The following CCSER1 variants were observed in gnomAD, a reference collection of about 807,000 sequenced individuals.
The protein encoded by CCSER1 is coiled-coil serine rich protein 1.
CCSER1 carries 41 observed loss-of-function variants against 82.0 expected under a neutral mutation model. That is an observed-to-expected ratio of 0.50 (90% CI 0.39 to 0.65). The LOEUF (loss-of-function observed/expected upper bound fraction) is 0.65, where lower values mean the gene tolerates loss of function less well. Among genes scored for constraint, CCSER1 ranks in the 30% least tolerant of loss-of-function variants. The probability of loss-of-function intolerance (pLI) is 0.00; values close to 1 mark genes in which losing one functional copy is unlikely to be tolerated. For missense variants in CCSER1, 1,119 were observed against 1,064.2 expected (o/e 1.05, Z -0.72); for synonymous variants, 414 against 383.9 (o/e 1.08, Z -0.92).
intron 8 of CCSER1, among the ~76,000 whole-genome samples, chr4:90,861,880 C>T (rs529599081): frequency 6.8e-6 from 1 of 146,338 alleles, no homozygotes; most frequent in African/African-American, 2.5e-5. Context: ...ATGATGAAAA[C>T]CATGGATCTC....
intron 9 of CCSER1, among the ~76,000 whole-genome samples, chr4:90,924,160 A>G (rs1728761762): frequency 6.6e-6 from 1 of 152,192 alleles, no homozygotes; most frequent in Non-Finnish European, 1.5e-5. Flanking sequence ...TCTTGTAGCT[A>G]ACATGTATGA....
At chr4:90,693,654 G>T (rs1003084251) in intron 6 of CCSER1, among the ~76,000 whole-genome samples, 1 of 151,806 alleles carries the variant, frequency 6.6e-6, no homozygotes, top group African/African-American at 2.4e-5. Flanking sequence ...ATATAATTTG[G>T]TTCTTGTCAA....
chr4:90,911,797 C>T lies in CCSER1; in HGVS notation c.2095-11573C>T, dbSNP rs62312308. On this transcript the variant is annotated intron_variant, in intron 8 of 10. Coordinates refer to ENST00000509176, the MANE Select transcript of CCSER1 (RefSeq NM_001145065.2). ...CTCCCAACCTAATACTGCGCTTTTC[C>T]GATGGTCTTAGCAAACGGCACACCA... is the stretch of plus-strand genomic sequence containing the variant. Among the ~76,000 whole-genome samples, 676 of 152,258 alleles carry T rather than the reference C, an allele frequency of 4.4e-3. 3 individuals carry two copies. Among genetic ancestry groups the T allele is most frequent in the Non-Finnish European group, 7.4e-3 (502 of 68,040 alleles).
intron 10 of CCSER1, among the ~76,000 whole-genome samples, chr4:91,559,461 C>T (rs1400351): frequency 6.6e-6 from 1 of 151,120 alleles, no homozygotes; most frequent in South Asian, 2.1e-4. Flanking sequence ...ATTTTTCCCC[C>T]TGGGATATTT....
intron 1 of CCSER1, among the ~76,000 whole-genome samples, chr4:90,260,964 C>T (rs1335453466): frequency 6.6e-6 from 1 of 152,124 alleles, no homozygotes; most frequent in Non-Finnish European, 1.5e-5. Context: ...GATCTGCTTG[C>T]CTTGGCCTCC....
chr4:91,578,933 T>G (rs1348680740), intron 10 of CCSER1, among the ~76,000 whole-genome samples: 1 of 151,792 alleles, frequency 6.6e-6, no homozygotes, highest in Non-Finnish European at 1.5e-5. Flanking sequence ...TCCATCCATA[T>G]CTGCTTGATT....
At chr4:90,800,292 G>A (rs906984290) in intron 7 of CCSER1, among the ~76,000 whole-genome samples, 2 of 151,714 alleles carry the variant, frequency 1.3e-5, no homozygotes, top group Non-Finnish European at 2.9e-5. Flanking sequence ...TTGTAGAGAC[G>A]AGGTCTTACC....
Position 90,461,267 on chromosome 4 carries a change from G to A in CCSER1, c.1604-6967G>A, listed in dbSNP as rs912742080. 1.6e-4 allele frequency among the ~76,000 whole-genome samples: 19 copies of A among 121,160 alleles called. 2 individuals are homozygous for A. Among genetic ancestry groups the A allele is most frequent in the African/African-American group, 6.3e-4 (15 of 23,700 alleles). The allele number at this position is 121,160 out of a possible 152,430, so 79.5% of individuals were successfully genotyped here. ...TTTTTAGTAGAGACGGGGTTTCACCGTTTTTTAGCCGGGATGGTCTCGATC... is the reference window on the plus strand; with the variant it reads ...TTTTTAGTAGAGACGGGGTTTCACCATTTTTTAGCCGGGATGGTCTCGATC... On this transcript the variant is annotated intron_variant, in intron 4 of 10. Transcript: ENST00000509176.
intron 10 of CCSER1, among the ~76,000 whole-genome samples, chr4:91,111,963 T>C (rs1726135286): frequency 6.6e-6 from 1 of 152,022 alleles, no homozygotes. Flanking sequence ...TTGGAAGGGC[T>C]ACTCTTAAAG....
At chr4:91,447,535 A>G (rs1051237068) in intron 10 of CCSER1, among the ~76,000 whole-genome samples, 2 of 152,128 alleles carry the variant, frequency 1.3e-5, no homozygotes, top group Non-Finnish European at 2.9e-5. Flanking sequence ...TGCTGAAAAC[A>G]ATGATATGTC....
chr4:90,716,874 C>T (rs577879491), intron 6 of CCSER1, among the ~76,000 whole-genome samples: 1 of 152,232 alleles, frequency 6.6e-6, no homozygotes, highest in Admixed American at 6.5e-5. Context: ...ATATTAGACA[C>T]ACTGTTTTGT....
chr4:90,506,072 T>C (rs1770637186), intron 5 of CCSER1, among the ~76,000 whole-genome samples: 1 of 152,210 alleles, frequency 6.6e-6, no homozygotes, highest in African/African-American at 2.4e-5. Context: ...CTACCCTCTG[T>C]ACCTTCCTCA....
chr4:91,415,136 T>C (rs536533637), intron 10 of CCSER1, among the ~76,000 whole-genome samples: 227 of 152,156 alleles, frequency 1.5e-3, no homozygotes, highest in Non-Finnish European at 2.3e-3. Context: ...TACACATTCA[T>C]CTTAACTTTA....
At chr4:90,301,657 T>G (rs1369463532) in intron 1 of CCSER1, among the ~76,000 whole-genome samples, 2 of 152,122 alleles carry the variant, frequency 1.3e-5, no homozygotes, top group African/African-American at 2.4e-5. Flanking sequence ...AGATAATGGA[T>G]AGGTCTAGTT....
chr4:90,405,008 A>T (rs1180190488), intron 4 of CCSER1, among the ~76,000 whole-genome samples: 2 of 152,178 alleles, frequency 1.3e-5, no homozygotes, highest in Non-Finnish European at 2.9e-5. Context: ...ATCCAAACCA[A>T]AAGGAAATCT....
At chr4:91,047,237 T>TAC (rs138195392) in intron 9 of CCSER1, among the ~76,000 whole-genome samples, 6,561 of 151,864 alleles carry the variant, frequency 0.043, 418 homozygotes, top group African/African-American at 0.14. Context: ...AGCATATATA[T>TAC]ATACACACAC....
At chr4:91,566,460 A>G (rs1015958474) in intron 10 of CCSER1, among the ~76,000 whole-genome samples, 1 of 152,084 alleles carries the variant, frequency 6.6e-6, no homozygotes, top group Non-Finnish European at 1.5e-5. Flanking sequence ...TTCTGTAGGA[A>G]TGACACTACC....
intron 5 of CCSER1, among the ~76,000 whole-genome samples, chr4:90,511,375 A>G (rs28650802): frequency 0.11 from 16,546 of 152,108 alleles, 1,462 homozygotes; most frequent in African/African-American, 0.24. Context: ...CCGAGATTGC[A>G]CCACTGCACT....
chr4:90,194,398 T>A (rs1736217998), intron 1 of CCSER1, among the ~76,000 whole-genome samples: 1 of 152,080 alleles, frequency 6.6e-6, no homozygotes, highest in Admixed American at 6.6e-5. Flanking sequence ...CTCTGAACTT[T>A]ACTAATGGTA....
Sources: allele counts gnomAD v4.1 joint callset (sites outside exome capture counted in the v4.1 genomes callset), GRCh38; gene constraint gnomAD v4.1.1; transcripts MANE v1.5; gene names NCBI Gene and HGNC (gene_info 2026-07-23, HGNC 2026-07-21).